Variants in PRKAG2 observed in about 807,000 individuals in gnomAD.
PRKAG2 encodes protein kinase AMP-activated non-catalytic subunit gamma 2, also known as 5'-AMP-activated protein kinase subunit gamma-2.
A neutral mutation model predicts 69.6 loss-of-function variants in PRKAG2; 26 were observed. That is an observed-to-expected ratio of 0.37 (90% CI 0.27 to 0.52). The LOEUF (loss-of-function observed/expected upper bound fraction) is 0.52, where lower values mean the gene tolerates loss of function less well. Among genes scored for constraint, PRKAG2 ranks in the 20% least tolerant of loss-of-function variants. The probability of loss-of-function intolerance (pLI) is 0.90; values close to 1 mark genes in which losing one functional copy is unlikely to be tolerated. For synonymous variants in PRKAG2, 293 were observed against 285.0 expected, an observed-to-expected ratio of 1.03 and a Z score of -0.28; for missense variants, 557 against 740.0, an observed-to-expected ratio of 0.75 and a Z score of 2.87.
chr7:151,629,069 C>T (rs1282497805), intron 5 of PRKAG2, among the ~76,000 whole-genome samples: 1 of 152,146 alleles, frequency 6.6e-6, no homozygotes, highest in Admixed American at 6.5e-5. Context: ...GCCTGAGGGC[C>T]AAATCTGGGT....
In PRKAG2 at chr7:151,592,236, G is replaced by A. The variant is rs539378034; in HGVS notation, c.864+3109C>T. Among the ~76,000 whole-genome samples the A allele has an allele frequency of 2.6e-5, 4 of 152,370 alleles. No homozygotes were observed. The East Asian group carries it at 7.7e-4, about 29-fold the overall frequency. ...TTCTCCTGCTGGGCTGGCCCCTGCTGGCACTGCACAGTGTGGCTCTTGAGG... is the reference window on the plus strand; with the variant it reads ...TTCTCCTGCTGGGCTGGCCCCTGCTAGCACTGCACAGTGTGGCTCTTGAGG... On this transcript the variant is annotated intron_variant, in intron 6 of 15. Coordinates refer to ENST00000287878, the MANE Select transcript of PRKAG2 (RefSeq NM_016203.4).
intron 3 of PRKAG2, among the ~76,000 whole-genome samples, chr7:151,725,336 T>C (rs1199457403): frequency 6.6e-6 from 1 of 151,970 alleles, no homozygotes; most frequent in African/African-American, 2.4e-5. Context: ...CCTGGAGTCA[T>C]CAATGCATAG....
In PRKAG2 at chr7:151,691,819, T is replaced by C. The variant is rs539567552; in HGVS notation, c.467-16182A>G. ...ACCTAGCGATGCCACTCTTAGAAGATATGAAACCTTGTTCACACAAAATCC... is the reference window on the plus strand; with the variant it reads ...ACCTAGCGATGCCACTCTTAGAAGACATGAAACCTTGTTCACACAAAATCC... On this transcript the variant is annotated intron_variant, in intron 3 of 15. Coordinates refer to ENST00000287878, the MANE Select transcript of PRKAG2 (RefSeq NM_016203.4). Among the ~76,000 whole-genome samples, 11 of 152,356 alleles carry C rather than the reference T, an allele frequency of 7.2e-5. No individual in the cohort carries two copies. In the South Asian group the frequency reaches 2.3e-3, roughly 32 times the overall value.
chr7:151,667,973 G>A (rs752053649), intron 4 of PRKAG2, among the ~76,000 whole-genome samples: 26 of 152,258 alleles, frequency 1.7e-4, no homozygotes, highest in Non-Finnish European at 3.7e-4. Context: ...AAAAACTGAT[G>A]TAGTATCAGC....
At chr7:151,591,369 C>T (rs1051441332) in intron 6 of PRKAG2, among the ~76,000 whole-genome samples, 1 of 152,264 alleles carries the variant, frequency 6.6e-6, no homozygotes, top group African/African-American at 2.4e-5. Flanking sequence ...ACACTGCACA[C>T]TGCCACACTG....
intron 5 of PRKAG2, among the ~76,000 whole-genome samples, chr7:151,623,363 C>CA (rs71198724): frequency 0.024 from 894 of 36,654 alleles, 203 homozygotes; most frequent in East Asian, 0.06. Context: ...GACTCTGTCT[C>CA]AAAAAAAAAA....
At chr7:151,806,014 A>C (rs4570063) in intron 1 of PRKAG2, among the ~76,000 whole-genome samples, 126,358 of 152,248 alleles carry the variant, frequency 0.83, 52,588 homozygotes, top group African/African-American at 0.89. Context: ...GCCTGGCCAA[A>C]CCTGTCTCTA....
At chr7:151,674,366 G>A (rs1163693621) in intron 4 of PRKAG2, among the ~76,000 whole-genome samples, 1 of 152,202 alleles carries the variant, frequency 6.6e-6, no homozygotes, top group Non-Finnish European at 1.5e-5. Flanking sequence ...ATTGTTTTAA[G>A]CCATCCAGTG....
chr7:151,747,226 C>A (rs977063769), intron 3 of PRKAG2, among the ~76,000 whole-genome samples: 3 of 152,178 alleles, frequency 2.0e-5, no homozygotes, highest in African/African-American at 7.2e-5. Flanking sequence ...CTAGCAAGAA[C>A]CTGACTCATC....
At chr7:151,812,812 G>C (rs976041315) in intron 1 of PRKAG2, among the ~76,000 whole-genome samples, 2 of 151,788 alleles carry the variant, frequency 1.3e-5, no homozygotes, top group Non-Finnish European at 2.9e-5. Flanking sequence ...GAATCCCTTT[G>C]TGACTTTAGG....
intron 4 of PRKAG2, among the ~76,000 whole-genome samples, chr7:151,657,028 T>C (rs774600580): frequency 2.8e-4 from 42 of 151,360 alleles, no homozygotes; most frequent in Non-Finnish European, 7.4e-5. Context: ...TCCCAGTTAC[T>C]GGGGAGGCTG....
chr7:151,585,285 C>A (rs991592850), intron 6 of PRKAG2, among the ~76,000 whole-genome samples: 2 of 152,154 alleles, frequency 1.3e-5, no homozygotes, highest in South Asian at 2.1e-4. Context: ...TACATTCCCA[C>A]GCATCTTTTC....
chr7:151,578,275 G>A (rs1332040620), intron 6 of PRKAG2, among the ~76,000 whole-genome samples: 1 of 152,214 alleles, frequency 6.6e-6, no homozygotes, highest in Admixed American at 6.5e-5. Context: ...AACCTGGGAA[G>A]TGGAGGCTGT....
At chr7:151,582,339 G>T (rs928560095) in intron 6 of PRKAG2, among the ~76,000 whole-genome samples, 1 of 152,026 alleles carries the variant, frequency 6.6e-6, no homozygotes, top group East Asian at 1.9e-4. Flanking sequence ...TTTTTGTAGA[G>T]ACAGGGTCCG....
At chr7:151,757,851 G>A (rs1167749956) in intron 3 of PRKAG2, among the ~76,000 whole-genome samples, 1 of 152,216 alleles carries the variant, frequency 6.6e-6, no homozygotes, top group Non-Finnish European at 1.5e-5. Context: ...CCTAGTCAGG[G>A]TCAATATTGC....
intron 4 of PRKAG2, among the ~76,000 whole-genome samples, chr7:151,674,347 T>C (rs1585670986): frequency 6.6e-6 from 1 of 152,170 alleles, no homozygotes; most frequent in African/African-American, 2.4e-5. Context: ...AGTGAGACAG[T>C]ACATTTCTAT....
chr7:151,767,923 T>C (rs1178186350), intron 3 of PRKAG2, among the ~76,000 whole-genome samples: 1 of 152,220 alleles, frequency 6.6e-6, no homozygotes, highest in Non-Finnish European at 1.5e-5. Context: ...GCCTCCTTTT[T>C]CTCTCAGCCA....
chr7:151,871,851 G>A (rs2080226236), intron 1 of PRKAG2, among the ~76,000 whole-genome samples: 1 of 152,192 alleles, frequency 6.6e-6, no homozygotes. Flanking sequence ...ATGGGCTGGA[G>A]GCTGAGGTCC....
At chr7:151,844,614 C>T (rs1416414220) in intron 1 of PRKAG2, among the ~76,000 whole-genome samples, 1 of 152,186 alleles carries the variant, frequency 6.6e-6, no homozygotes, top group African/African-American at 2.4e-5. Context: ...GCCTGGCAAA[C>T]AGTGAGCACT....
Sources: allele counts gnomAD v4.1 joint callset (sites outside exome capture counted in the v4.1 genomes callset), GRCh38; gene constraint gnomAD v4.1.1; transcripts MANE v1.5; gene names NCBI Gene and HGNC (gene_info 2026-07-23, HGNC 2026-07-21).